Variants in SATL1 observed in about 807,000 individuals in gnomAD.
SATL1 encodes the protein spermidine/spermine N1-acetyl transferase like 1.
SATL1 carries 47 observed loss-of-function variants against 51.8 expected under a neutral mutation model. The observed-to-expected ratio is 0.91, with a 90% CI of 0.72 to 1.16. The LOEUF (loss-of-function observed/expected upper bound fraction) is 1.16. Among genes scored for constraint, SATL1 ranks in the 50% most tolerant of loss-of-function variants. The probability of loss-of-function intolerance (pLI) is 0.00; values close to 1 mark genes in which losing one functional copy is unlikely to be tolerated. For missense variants in SATL1, 520 were observed against 526.4 expected (o/e 0.99, Z 0.12); for synonymous variants, 176 against 182.4 (o/e 0.97, Z 0.28).
chrX:85,159,458 A>G (rs1356665304), intron 2 of SATL1, among the ~76,000 whole-genome samples: 1 of 110,419 alleles, frequency 9.1e-6, no homozygotes, highest in Non-Finnish European at 1.9e-5. Context: ...ATGAGAATCT[A>G]ATGCCTGATG....
intron 2 of SATL1, among the ~76,000 whole-genome samples, chrX:85,197,823 G>C (rs1927605908): frequency 9.1e-6 from 1 of 110,380 alleles, no homozygotes; most frequent in Non-Finnish European, 1.9e-5. Context: ...CAAAGGATAT[G>C]AGCTCATCAT....
At position 85,150,668 on chromosome X, in the gene SATL1, A is replaced by T. The variant is rs199767265; in HGVS notation, c.-312-41388T>A. Among the ~76,000 whole-genome samples, 30 of 112,010 alleles carry T rather than the reference A, an allele frequency of 2.7e-4. No homozygotes were observed. The East Asian group carries it at 8.2e-3, about 31-fold the overall frequency. ...ATGCAAGGCTGGTTCAACATATGAA[A>T]ATCAATAAACATAATCCAGCATATA... is the stretch of plus-strand genomic sequence containing the variant. On this transcript the variant is annotated intron_variant, in intron 2 of 7. Transcript: ENST00000644105.
At chrX:85,128,786 C>A (rs1395934378) in intron 2 of SATL1, among the ~76,000 whole-genome samples, 3 of 112,092 alleles carry the variant, frequency 2.7e-5, no homozygotes, top group African/African-American at 9.7e-5. Context: ...TTAGGTCTAA[C>A]ATTTAAGTCC....
intron 2 of SATL1, among the ~76,000 whole-genome samples, chrX:85,155,251 C>T (rs1184147622): frequency 9.0e-6 from 1 of 111,346 alleles, no homozygotes; most frequent in Non-Finnish European, 1.9e-5. Flanking sequence ...GTTAAAGAAG[C>T]ATTATGATTA....
intron 2 of SATL1, among the ~76,000 whole-genome samples, chrX:85,134,054 C>T (rs1400280740): frequency 9.0e-6 from 1 of 111,596 alleles, no homozygotes; most frequent in African/African-American, 3.3e-5. Context: ...AAGAACATTT[C>T]TTCCCTGCTC....
intron 2 of SATL1, among the ~76,000 whole-genome samples, chrX:85,158,735 T>C (rs925546639): frequency 1.8e-5 from 2 of 111,684 alleles, no homozygotes; most frequent in African/African-American, 3.3e-5. Context: ...CCAAGCCATA[T>C]AATAGAAGCA....
rs2147733957 is a variant in SATL1, at chrX:85,169,612, T to C, written c.-313+54593A>G. Among the ~76,000 whole-genome samples, 3 of 111,488 alleles carry C rather than the reference T, an allele frequency of 2.7e-5. 1 individual carries two copies. The South Asian group carries it at 1.1e-3, about 42-fold the overall frequency. On this transcript the variant is annotated intron_variant, in intron 2 of 7. Coordinates refer to ENST00000644105, the MANE Select transcript of SATL1 (RefSeq NM_001367857.2). ...ACTCAGAATGTCTATTATTAAAAAGTCAAAAAGTAACAGATGCTGGTGAGG... is the reference window on the plus strand; with the variant it reads ...ACTCAGAATGTCTATTATTAAAAAGCCAAAAAGTAACAGATGCTGGTGAGG...
At chrX:85,233,267 C>T in intron 1 of SATL1, among the ~76,000 whole-genome samples, 1 of 112,008 alleles carries the variant, frequency 8.9e-6, no homozygotes, top group Non-Finnish European at 1.9e-5. Flanking sequence ...TGAACAAAAA[C>T]TTAGAACACT....
At chrX:85,238,642 G>A (rs745648867) in intron 1 of SATL1, among the ~76,000 whole-genome samples, 1 of 111,469 alleles carries the variant, frequency 9.0e-6, no homozygotes, top group African/African-American at 3.3e-5. Flanking sequence ...AAAAGAGCTG[G>A]TGTCTGGTAG....
chrX:85,098,648 G>GA (rs1193354766), intron 4 of SATL1, among the ~76,000 whole-genome samples: 12 of 111,133 alleles, frequency 1.1e-4, no homozygotes, highest in Admixed American at 4.8e-4. Flanking sequence ...AAATCAGTGG[G>GA]AAAAAAACTT....
intron 2 of SATL1, chrX:85,118,208 C>T: frequency 9.5e-6 from 1 of 105,186 alleles, no homozygotes; most frequent in Non-Finnish European, 1.9e-5. Flanking sequence ...TAGGCTGAGG[C>T]CTAGGGCACA....
At chrX:85,127,000 C>A (rs185218661) in intron 2 of SATL1, among the ~76,000 whole-genome samples, 1 of 111,169 alleles carries the variant, frequency 9.0e-6, no homozygotes, top group African/African-American at 3.3e-5. Context: ...ATCAACTCAA[C>A]TTCCTTGAAG....
intron 2 of SATL1, among the ~76,000 whole-genome samples, chrX:85,117,765 A>G (rs1183251551): frequency 8.9e-6 from 1 of 111,745 alleles, no homozygotes; most frequent in Non-Finnish European, 1.9e-5. Context: ...TAAAGAATGC[A>G]TGTTCATTGT....
At chrX:85,209,534 C>T (rs761918398) in intron 2 of SATL1, 86 of 111,242 alleles carry the variant, frequency 7.7e-4, no homozygotes, top group African/African-American at 2.6e-3. Context: ...CATTTGTTTG[C>T]GTCCTCTTTT....
At chrX:85,171,567 A>C (rs1383038481) in intron 2 of SATL1, among the ~76,000 whole-genome samples, 2 of 111,486 alleles carry the variant, frequency 1.8e-5, no homozygotes, top group African/African-American at 3.2e-5. Flanking sequence ...AAATGAGAAG[A>C]TATAAAGTCT....
intron 2 of SATL1, among the ~76,000 whole-genome samples, chrX:85,161,995 C>T (rs1173237801): frequency 9.0e-6 from 1 of 111,494 alleles, no homozygotes; most frequent in African/African-American, 3.3e-5. Context: ...AATTAGAAAT[C>T]GAGACTAAGA....
intron 2 of SATL1, among the ~76,000 whole-genome samples, chrX:85,124,906 A>C (rs752491240): frequency 9.1e-6 from 1 of 110,034 alleles, no homozygotes; most frequent in Non-Finnish European, 1.9e-5. Context: ...CAGCTGAGGG[A>C]CCCCTAAAGG....
intron 2 of SATL1, among the ~76,000 whole-genome samples, chrX:85,179,698 T>C (rs1927159265): frequency 9.0e-6 from 1 of 110,786 alleles, no homozygotes; most frequent in Non-Finnish European, 1.9e-5. Context: ...ATATATAGGA[T>C]ATCTATAAAA....
chrX:85,228,471 G>A (rs1426024888), intron 1 of SATL1, among the ~76,000 whole-genome samples: 1 of 111,122 alleles, frequency 9.0e-6, no homozygotes, highest in Non-Finnish European at 1.9e-5. Flanking sequence ...CAATTTCTCT[G>A]CCTCCTTTAG....
Sources: allele counts gnomAD v4.1 joint callset (sites outside exome capture counted in the v4.1 genomes callset), GRCh38; gene constraint gnomAD v4.1.1; transcripts MANE v1.5; gene names NCBI Gene and HGNC (gene_info 2026-07-23, HGNC 2026-07-21).